Variants in UBA6 observed in about 807,000 individuals in gnomAD.
UBA6 encodes the protein ubiquitin like modifier activating enzyme 6.
Under a neutral mutation model 148.3 loss-of-function variants are expected in UBA6, and 87 were observed. The observed-to-expected ratio is 0.59, with a 90% CI of 0.49 to 0.70. UBA6 has a LOEUF of 0.70. Ranked by LOEUF, UBA6 falls within the 30% of genes least tolerant of loss-of-function variation. The probability of loss-of-function intolerance (pLI) is 0.00; values close to 1 mark genes in which losing one functional copy is unlikely to be tolerated. For synonymous variants in UBA6, 376 were observed against 401.0 expected (o/e 0.94, Z 0.75); for missense variants, 1,186 against 1,241.2 (o/e 0.96, Z 0.67).
chr4:67,634,419 G>A lies in UBA6; in HGVS notation c.1932+10C>T. ...CTTCAAAGAAAATAAATTTAAAAAGGAACTTTTACCTTATCTCTTGCCCAC... is the reference window on the plus strand; with the variant it reads ...CTTCAAAGAAAATAAATTTAAAAAGAAACTTTTACCTTATCTCTTGCCCAC... On this transcript the variant is annotated intron_variant, in intron 21 of 32. Transcript: ENST00000322244. 1 of 1,568,364 alleles carries A rather than the reference G, an allele frequency of 6.4e-7. No individual in the cohort carries two copies. The highest frequency in any genetic ancestry group is 8.6e-7 in the Non-Finnish European group (1 of 1,165,894).
At position 67,696,679 on chromosome 4, in the gene UBA6, T is replaced by C. The variant is rs138283557; in HGVS notation, c.100A>G (p.Thr34Ala). The change falls in exon 2 of 33, where the codon ACA becomes GCA. Residue 34 changes from threonine to alanine, a missense_variant. Transcript: ENST00000322244. ...STNKNLPIMS[T>A]ASVEIDDALY... Reference sequence around the variant, plus strand: ...GCATCATCGATTTCCACAGATGCTGTTGACATAATGGGCAAATTTTTATTT... The same window carrying C: ...GCATCATCGATTTCCACAGATGCTGCTGACATAATGGGCAAATTTTTATTT... 21 of 1,607,974 alleles carry C rather than the reference T, an allele frequency of 1.3e-5. No homozygotes were observed. In the African/African-American group the frequency reaches 2.4e-4, roughly 18 times the overall value.
chr4:67,655,256 C>T (rs1399136752), intron 13 of UBA6, among the ~76,000 whole-genome samples: 2 of 152,278 alleles, frequency 1.3e-5, no homozygotes, highest in East Asian at 1.9e-4. Flanking sequence ...AGCACTACAT[C>T]GCACTTATTC....
At chr4:67,633,115 A>C (rs927127588) in intron 23 of UBA6, among the ~76,000 whole-genome samples, 17 of 152,314 alleles carry the variant, frequency 1.1e-4, no homozygotes, top group Admixed American at 7.8e-4. Context: ...GGAAATGGCA[A>C]AATCTCAGCA....
At chr4:67,662,373 G>C in intron 12 of UBA6, 118 bp from the exon 13 acceptor site, 1 of 772,620 alleles carries the variant, frequency 1.3e-6, no homozygotes, top group East Asian at 2.6e-5. Flanking sequence ...TTGCCAACAG[G>C]TAGCACAAAA....
At chr4:67,700,924 A>AG (rs1730965864) in intron 1 of UBA6, 125 bp downstream of exon 1, 1 of 1,200,030 alleles carries the variant, frequency 8.3e-7, no homozygotes, top group Non-Finnish European at 1.2e-6. Flanking sequence ...CTCGCCTCCC[A>AG]GGGCCGGCTC....
intron 2 of UBA6, among the ~76,000 whole-genome samples, chr4:67,690,015 G>A (rs1016153460): frequency 1.3e-5 from 2 of 152,080 alleles, no homozygotes; most frequent in East Asian, 1.9e-4. Flanking sequence ...CAGAAAGGAG[G>A]AGAAGTAACT....
intron 27 of UBA6, 94 bp downstream of exon 27, chr4:67,628,977 C>T: frequency 5.8e-6 from 5 of 860,810 alleles, no homozygotes; most frequent in Non-Finnish European, 9.9e-6. Context: ...AGAGCAAGAA[C>T]CATTCATTGT....
intron 4 of UBA6, among the ~76,000 whole-genome samples, chr4:67,680,223 T>C (rs547032319): frequency 1.3e-5 from 2 of 152,242 alleles, no homozygotes; most frequent in Admixed American, 1.3e-4. Flanking sequence ...GAGAAAAGAA[T>C]GATAAAACAT....
At chr4:67,662,481 T>C in intron 12 of UBA6, 1 of 415,730 alleles carries the variant, frequency 2.4e-6, no homozygotes, top group Middle Eastern at 6.6e-4. Flanking sequence ...TTGTTTTTTT[T>C]TTTTTGAGAC....
Position 67,663,888 on chromosome 4 carries a change from AG to A in UBA6, c.956del (p.Pro319LeufsTer5). On this transcript the variant is annotated frameshift_variant, in exon 11 of 33. Coordinates refer to ENST00000322244, the MANE Select transcript of UBA6 (RefSeq NM_018227.6). LOFTEE classifies it high-confidence loss of function. ...PKCLIVDFSN[P>X]EAPLEIHTAM... ...AACCTGCAAAGTGTTTATTTACCTC[AG>A]GGTTGCTAAAATCCACAATAAGGCA... is the stretch of plus-strand genomic sequence containing the variant. 1 of 1,613,300 alleles carries A rather than the reference AG, an allele frequency of 6.2e-7. No homozygotes were observed.
Position 67,618,903 on chromosome 4 carries a change from C to G in UBA6, c.*94G>C. 4.0e-6 allele frequency: 5 copies of G among 1,241,058 alleles called. No homozygotes were observed. The Admixed American group carries it at 1.2e-4, about 30-fold the overall frequency. 76.9% of individuals were successfully genotyped at this position (1,241,058 alleles called of 1,614,324 possible). A position where few individuals can be genotyped will look rare whatever the true frequency, so the allele number is the denominator to read the frequency against. ...AATTAAGGCTTAATGAAAGAGAAAT[C>G]CATAGTATTATGAACTGATTTTCTT... On this transcript the variant is annotated 3_prime_UTR_variant, in exon 33 of 33. Coordinates refer to ENST00000322244, the MANE Select transcript of UBA6 (RefSeq NM_018227.6).
chr4:67,648,574 C>G (rs1261552832), intron 14 of UBA6, among the ~76,000 whole-genome samples: 3 of 151,924 alleles, frequency 2.0e-5, no homozygotes, highest in Admixed American at 2.0e-4. Flanking sequence ...CACCTTGTGC[C>G]AATTATTTCT....
rs752483796 is a variant in UBA6 at position 67,631,911 on chromosome 4, A to G, written c.2143-3T>C. ...AAACAGTGAAGAAGCTGAAGAGCCT[A>G]AAGAAAAAAAATGAATTAAAGACAC... On this transcript the variant is annotated splice_polypyrimidine_tract_variant and splice_region_variant and intron_variant, in intron 23 of 32. Coordinates refer to ENST00000322244, the MANE Select transcript of UBA6 (RefSeq NM_018227.6). 4 of 1,609,306 alleles carry G rather than the reference A, an allele frequency of 2.5e-6. No homozygotes were observed. In the Admixed American group the frequency reaches 5.1e-5, roughly 20 times the overall value.
intron 2 of UBA6, among the ~76,000 whole-genome samples, chr4:67,691,315 T>C (rs143180948): frequency 9.9e-5 from 15 of 152,236 alleles, no homozygotes; most frequent in East Asian, 1.9e-4. Flanking sequence ...TTACAGACCA[T>C]AGATGTCGCC....
chr4:67,633,479 A>T lies in UBA6; in HGVS notation c.2014-6T>A. On this transcript the variant is annotated splice_region_variant and splice_polypyrimidine_tract_variant and intron_variant, in intron 22 of 32. Coordinates refer to ENST00000322244, the MANE Select transcript of UBA6 (RefSeq NM_018227.6). ...CTGTGTCCACTCTGTATCTTCTAGA[A>T]TGGGAGAGAAAAAAAAAATCAACAT... The T allele has an allele frequency of 6.4e-7, 1 of 1,573,268 alleles. No homozygotes were observed. Among genetic ancestry groups the T allele is most frequent in the Non-Finnish European group, 8.6e-7 (1 of 1,168,730 alleles).
At chr4:67,646,681 T>C in intron 15 of UBA6, 43 bp downstream of exon 15, 3 of 1,463,898 alleles carry the variant, frequency 2.0e-6, no homozygotes, top group Non-Finnish European at 2.8e-6. Context: ...ACTTTTAAAA[T>C]CTATTTGCCT....
At chr4:67,670,104 G>A (rs776573310) in intron 8 of UBA6, among the ~76,000 whole-genome samples, 8 of 151,892 alleles carry the variant, frequency 5.3e-5, no homozygotes, top group Non-Finnish European at 8.8e-5. Flanking sequence ...CACCAGGCCC[G>A]GTTAATTTTT....
chr4:67,663,501 AT>A, intron 11 of UBA6: 2 of 354,502 alleles, frequency 5.6e-6, no homozygotes, highest in Non-Finnish European at 5.0e-6. Context: ...AATTACATCC[AT>A]TTTAAAAAAA....
intron 32 of UBA6, among the ~76,000 whole-genome samples, chr4:67,619,663 T>C (rs1474881086): frequency 6.6e-6 from 1 of 152,248 alleles, no homozygotes; most frequent in Non-Finnish European, 1.5e-5. Flanking sequence ...CTCTTAAGTT[T>C]GGAGGCATCA....
Sources: allele counts gnomAD v4.1 joint callset (sites outside exome capture counted in the v4.1 genomes callset), GRCh38; gene constraint gnomAD v4.1.1; transcripts MANE v1.5; gene names NCBI Gene and HGNC (gene_info 2026-07-23, HGNC 2026-07-21).